RXYLT1: variants seen among roughly 807,000 people sequenced by gnomAD.
RXYLT1 encodes ribitol xylosyltransferase 1.
Under a neutral mutation model 43.5 loss-of-function variants are expected in RXYLT1, and 41 were observed. The ratio of observed to expected loss-of-function variants is 0.94; its 90% CI spans 0.73 to 1.22. The LOEUF (loss-of-function observed/expected upper bound fraction) is 1.22, where lower values mean the gene tolerates loss of function less well. Among genes scored for constraint, RXYLT1 ranks in the 50% most tolerant of loss-of-function variants. The probability of loss-of-function intolerance (pLI) is 0.00; values close to 1 mark genes in which losing one functional copy is unlikely to be tolerated. For synonymous variants in RXYLT1, 166 were observed against 194.4 expected (o/e 0.85, Z 1.21); for missense variants, 514 against 532.0 (o/e 0.97, Z 0.33).
chr12:63,807,188 T>C (rs1342306431), intron 5 of RXYLT1: 1 of 152,236 alleles, frequency 6.6e-6, no homozygotes, highest in Non-Finnish European at 1.5e-5. Context: ...TTTGTTGTCC[T>C]TCACTCCCCT....
Position 63,799,835 on chromosome 12 carries a change from A to T in RXYLT1, c.429-2256A>T, listed in dbSNP as rs538135978. ...GCTTATATTTCTAAAAGAGAAATAC[A>T]AAGTATTCGTATGCTACCAATAATA... On this transcript the variant is annotated intron_variant, in intron 3 of 5. Coordinates refer to ENST00000261234, the MANE Select transcript of RXYLT1 (RefSeq NM_014254.3). Among the ~76,000 whole-genome samples the T allele has an allele frequency of 7.2e-5, 11 of 152,326 alleles. No homozygotes were observed. The South Asian group carries it at 1.9e-3, about 26-fold the overall frequency.
chr12:63,785,861 A>G (rs1897789572), intron 3 of RXYLT1, among the ~76,000 whole-genome samples: 1 of 152,146 alleles, frequency 6.6e-6, no homozygotes, highest in Non-Finnish European at 1.5e-5. Context: ...GGAAAGGAAA[A>G]GCTATAGTTA....
At chr12:63,798,873 A>G (rs964087886) in intron 3 of RXYLT1, among the ~76,000 whole-genome samples, 4 of 152,232 alleles carry the variant, frequency 2.6e-5, no homozygotes, top group Non-Finnish European at 4.4e-5. Flanking sequence ...TGAAATAGGA[A>G]TATGAGTTTT....
At chr12:63,805,850 G>T (rs936011408) in intron 5 of RXYLT1, 1 of 153,184 alleles carries the variant, frequency 6.5e-6, no homozygotes, top group Non-Finnish European at 1.5e-5. Context: ...TGAATCCCCA[G>T]ATCTAACATA....
At chr12:63,807,310 C>G (rs190644812) in intron 5 of RXYLT1, 11 of 152,276 alleles carry the variant, frequency 7.2e-5, no homozygotes, top group African/African-American at 2.2e-4. Context: ...TTAAATCCAG[C>G]TCTCTGCCTA....
At chr12:63,793,569 A>T (rs938218894) in intron 3 of RXYLT1, among the ~76,000 whole-genome samples, 27 of 152,184 alleles carry the variant, frequency 1.8e-4, no homozygotes, top group Non-Finnish European at 7.3e-5. Flanking sequence ...TTAATATATA[A>T]TATTTCTACA....
At chr12:63,780,339 C>G (rs1897649769) in intron 1 of RXYLT1, 5 of 1,288,404 alleles carry the variant, frequency 3.9e-6, no homozygotes, top group Non-Finnish European at 4.9e-6. Context: ...ACGCCGTCCC[C>G]GCTCCCGATC....
intron 2 of RXYLT1, among the ~76,000 whole-genome samples, chr12:63,781,933 A>G (rs188302383): frequency 6.6e-6 from 1 of 152,368 alleles, no homozygotes; most frequent in East Asian, 1.9e-4. Context: ...ATTCGTTCAT[A>G]CTTACATACA....
At position 63,808,714 on chromosome 12, in the gene RXYLT1, C is replaced by G; in HGVS notation, c.954C>G (p.Tyr318Ter). ...PQETNESLKNYQDALLQSDLT... is the reference protein window; with the variant it reads ...PQETNESLKN ...AAACAAATGAAAGTCTTAAGAATTA[C>G]CAAGATGCCTTGCTTCAGAGTGATC... The change falls in exon 6 of 6, where the codon TAC becomes TAG. Residue 318 changes from tyrosine to a stop codon, truncating the protein, a stop_gained. Coordinates refer to ENST00000261234, the MANE Select transcript of RXYLT1 (RefSeq NM_014254.3). LOFTEE classifies it high-confidence loss of function. 6.2e-7 allele frequency: 1 copy of G among 1,604,384 alleles called. No homozygotes were observed. Among genetic ancestry groups the G allele is most frequent in the South Asian group, 1.1e-5 (1 of 88,284 alleles).
In RXYLT1 at chr12:63,795,285, A is replaced by AAAGAAG. The variant is rs33957381; in HGVS notation, c.429-6784_429-6779dup. Among the ~76,000 whole-genome samples, 45 of 150,172 alleles carry AAAGAAG rather than the reference A, an allele frequency of 3.0e-4. 2 individuals carry two copies. Among genetic ancestry groups the AAAGAAG allele is most frequent in the East Asian group, 2.6e-3 (13 of 5,016 alleles). On this transcript the variant is annotated intron_variant, in intron 3 of 5. Coordinates refer to ENST00000261234, the MANE Select transcript of RXYLT1 (RefSeq NM_014254.3). ...GACAGTGAGACCCTGTGTCAAAAAAAAAGAAGAAGAAGAAGAAGAAGAAGA... is the reference window on the plus strand; with the variant it reads ...GACAGTGAGACCCTGTGTCAAAAAAAAAGAAGAAGAAGAAGAAGAAGAAGAAGAAGA...
At chr12:63,795,983 TA>T (rs1411900000) in intron 3 of RXYLT1, among the ~76,000 whole-genome samples, 2 of 152,210 alleles carry the variant, frequency 1.3e-5, no homozygotes, top group Non-Finnish European at 2.9e-5. Context: ...ACCGTATAAT[TA>T]TTTTTTTCAG....
At chr12:63,791,330 T>C (rs533324797) in intron 3 of RXYLT1, among the ~76,000 whole-genome samples, 4 of 152,354 alleles carry the variant, frequency 2.6e-5, no homozygotes, top group Non-Finnish European at 4.4e-5. Context: ...TACCACAGGC[T>C]ATATAAATGT....
intron 3 of RXYLT1, among the ~76,000 whole-genome samples, chr12:63,800,539 C>T (rs1430081765): frequency 6.6e-6 from 1 of 151,994 alleles, no homozygotes; most frequent in Non-Finnish European, 1.5e-5. Context: ...TTCAATGGTA[C>T]TGGTTGTTCT....
chr12:63,795,753 A>G (rs1212912856), intron 3 of RXYLT1: 1 of 152,108 alleles, frequency 6.6e-6, no homozygotes, highest in African/African-American at 2.4e-5. Context: ...ATTTATCTCT[A>G]TGAACTTTAA....
chr12:63,803,181 C>CAAAAAAAAAAA (rs763579072), intron 4 of RXYLT1, among the ~76,000 whole-genome samples: 1 of 22,604 alleles, frequency 4.4e-5, no homozygotes, highest in East Asian at 1.3e-3. Context: ...ACTGTCTCAC[C>CAAAAAAAAAAA]AAAAAAAAAA....
intron 3 of RXYLT1, among the ~76,000 whole-genome samples, chr12:63,797,640 A>G (rs994956609): frequency 5.3e-5 from 8 of 152,208 alleles, no homozygotes; most frequent in African/African-American, 1.7e-4. Flanking sequence ...TATGTACCAC[A>G]TTAAGGCTCT....
At chr12:63,796,022 T>C (rs1463457745) in intron 3 of RXYLT1, among the ~76,000 whole-genome samples, 5 of 152,178 alleles carry the variant, frequency 3.3e-5, no homozygotes, top group South Asian at 2.1e-4. Context: ...AAAACTGTTA[T>C]CTAATTTACA....
In RXYLT1 at chr12:63,808,865, C is replaced by T. The variant is rs780072889; in HGVS notation, c.1105C>T (p.His369Tyr). The stretch of plus-strand genomic sequence containing the variant: ...CAACTGTGGGAATACATCTGTGCAC[C>T]ACGGTGCTCCTCTGCAGTTACTCAA... Reference protein sequence around the residue: ...AGNCGNTSVHHGAPLQLLKSM... With the variant: ...AGNCGNTSVHYGAPLQLLKSM... Residue 369 changes from histidine to tyrosine, a missense_variant, in exon 6 of 6, where the codon CAC (histidine) becomes TAC (tyrosine). Transcript: ENST00000261234. 2.5e-6 allele frequency: 4 copies of T among 1,614,008 alleles called. No homozygotes were observed. Among genetic ancestry groups the T allele is most frequent in the Non-Finnish European group, 8.5e-7 (1 of 1,180,040 alleles).
chr12:63,799,297 C>CT (rs1898103430), intron 3 of RXYLT1, among the ~76,000 whole-genome samples: 1 of 118,396 alleles, frequency 8.4e-6, no homozygotes, highest in African/African-American at 3.1e-5. Flanking sequence ...TTTTTCTTTT[C>CT]TTTTCTTTTT....
Sources: gnomAD v4.1 joint callset for allele counts (sites outside exome capture counted in the v4.1 genomes callset) on GRCh38, gnomAD v4.1.1 for gene constraint, MANE v1.5 for transcripts, NCBI Gene and HGNC (gene_info 2026-07-23, HGNC 2026-07-21) for gene names.